PDE7A: variants seen among roughly 807,000 people sequenced by gnomAD.
The protein encoded by PDE7A is phosphodiesterase 7A.
A neutral mutation model predicts 64.3 loss-of-function variants in PDE7A; 39 were observed. That is an observed-to-expected ratio of 0.61 (90% CI 0.47 to 0.79). The LOEUF (loss-of-function observed/expected upper bound fraction) is 0.79, where lower values mean the gene tolerates loss of function less well. Among genes scored for constraint, PDE7A ranks in the 30% least tolerant of loss-of-function variants. PDE7A has a pLI of 0.00. For missense variants in PDE7A, 470 were observed against 582.8 expected (o/e 0.81, Z 1.99); for synonymous variants, 203 against 206.8 (o/e 0.98, Z 0.16).
intron 1 of PDE7A, among the ~76,000 whole-genome samples, chr8:65,828,277 T>C (rs1431212331): frequency 2.6e-5 from 4 of 152,100 alleles, no homozygotes; most frequent in African/African-American, 4.8e-5. Flanking sequence ...CATTGATATA[T>C]AATATCTTCC....
intron 1 of PDE7A, among the ~76,000 whole-genome samples, chr8:65,802,128 T>G (rs935197338): frequency 2.6e-5 from 4 of 152,352 alleles, no homozygotes; most frequent in African/African-American, 9.6e-5. Flanking sequence ...GAAAATACTT[T>G]GTTCACAAAC....
At position 65,745,392 on chromosome 8, in the gene PDE7A, A is replaced by T. The variant is rs1807629787; in HGVS notation, c.499+15T>A. ...TAGACTACATTAACTTGAGCAAGTCAAATTCTTCACTTACCATTTGTTAGT... is the reference window on the plus strand; with the variant it reads ...TAGACTACATTAACTTGAGCAAGTCTAATTCTTCACTTACCATTTGTTAGT... On this transcript the variant is annotated intron_variant, in intron 5 of 12. Coordinates refer to ENST00000401827, the MANE Select transcript of PDE7A (RefSeq NM_001242318.3). 2 of 1,466,552 alleles carry T rather than the reference A, an allele frequency of 1.4e-6. No homozygotes were observed. Among genetic ancestry groups the T allele is most frequent in the Non-Finnish European group, 1.9e-6 (2 of 1,045,918 alleles). The allele number at this position is 1,466,552 out of a possible 1,614,324, so 90.8% of individuals were successfully genotyped here. A position where few individuals can be genotyped will look rare whatever the true frequency, so the allele number is the denominator to read the frequency against.
At position 65,841,403 on chromosome 8, in the gene PDE7A, A is replaced by T; in HGVS notation, c.106T>A (p.Phe36Ile). Residue 36 changes from phenylalanine (F) to isoleucine (I), a missense_variant, in exon 1 of 13, where the codon TTC (phenylalanine) becomes ATC (isoleucine). Physicochemically the swap from Phe to Ile is conservative, Grantham distance 21. Transcript: ENST00000401827. ...AGCTGCCGGGGATTGGGGCAGCCGA[A>T]GAGAGCGGAGCTGGAGCTGAAGCTG... is the stretch of plus-strand genomic sequence containing the variant. ...AISFSSSSAL[F>I]GCPNPRQLSQ... is the part of the protein sequence containing the mutation. The T allele has an allele frequency of 6.4e-7, 1 of 1,564,008 alleles. No homozygotes were observed. Among genetic ancestry groups the T allele is most frequent in the Non-Finnish European group, 8.6e-7 (1 of 1,159,548 alleles).
At chr8:65,746,654 A>G (rs1186583415) in intron 4 of PDE7A, among the ~76,000 whole-genome samples, 2 of 152,234 alleles carry the variant, frequency 1.3e-5, no homozygotes, top group Non-Finnish European at 2.9e-5. Context: ...TTATGAATAC[A>G]CTGACATGAG....
chr8:65,752,676 A>C (rs1337914615), intron 3 of PDE7A, among the ~76,000 whole-genome samples: 1 of 152,222 alleles, frequency 6.6e-6, no homozygotes, highest in Admixed American at 6.5e-5. Flanking sequence ...TTCAATATAC[A>C]AATTTAAATC....
At chr8:65,723,713 G>T in intron 11 of PDE7A, 92 bp from the exon 12 acceptor site, 1 of 874,104 alleles carries the variant, frequency 1.1e-6, no homozygotes, top group Non-Finnish European at 1.6e-6. Context: ...GCATTTCTTA[G>T]GAAAAACATA....
chr8:65,822,747 G>C (rs1488418175), intron 1 of PDE7A, among the ~76,000 whole-genome samples: 1 of 152,120 alleles, frequency 6.6e-6, no homozygotes, highest in Non-Finnish European at 1.5e-5. Flanking sequence ...GAAAGTTATA[G>C]ATACATGGTA....
At chr8:65,815,147 ATAATG>A in intron 1 of PDE7A, among the ~76,000 whole-genome samples, 1 of 152,320 alleles carries the variant, frequency 6.6e-6, no homozygotes, top group South Asian at 2.1e-4. Context: ...GACAATATTT[ATAATG>A]TATTCACAGT....
At chr8:65,820,792 G>A (rs1810523532) in intron 1 of PDE7A, among the ~76,000 whole-genome samples, 2 of 152,092 alleles carry the variant, frequency 1.3e-5, no homozygotes, top group South Asian at 2.1e-4. Context: ...GTTTCACCAC[G>A]TTGGCCAGGC....
At chr8:65,812,381 C>T (rs1216072659) in intron 1 of PDE7A, among the ~76,000 whole-genome samples, 1 of 152,036 alleles carries the variant, frequency 6.6e-6, no homozygotes, top group Non-Finnish European at 1.5e-5. Flanking sequence ...CTGCCTTATT[C>T]CTTATACCAC....
At chr8:65,799,120 A>C (rs1809928456) in intron 1 of PDE7A, among the ~76,000 whole-genome samples, 1 of 152,172 alleles carries the variant, frequency 6.6e-6, no homozygotes, top group Non-Finnish European at 1.5e-5. Flanking sequence ...AAGGGCCCCA[A>C]AAGAACTTTT....
intron 3 of PDE7A, among the ~76,000 whole-genome samples, chr8:65,763,097 G>A (rs1027373297): frequency 6.7e-6 from 1 of 149,362 alleles, no homozygotes; most frequent in Non-Finnish European, 1.5e-5. Flanking sequence ...TTAGCCACTC[G>A]TAATCTAAAA....
rs1320988399 is a variant in PDE7A at position 65,814,498 on chromosome 8, G to A, written c.138+26873C>T. On this transcript the variant is annotated intron_variant, in intron 1 of 12. Coordinates refer to ENST00000401827, the MANE Select transcript of PDE7A (RefSeq NM_001242318.3). The stretch of plus-strand genomic sequence containing the variant: ...TGCACTCCAGCCTGGGCGACAGAGC[G>A]AGACTCCGTCTCAAAAAAAAAAAAA... Among the ~76,000 whole-genome samples the A allele has an allele frequency of 4.8e-4, 51 of 107,312 alleles. No homozygotes were observed. In the East Asian group the frequency reaches 0.014, roughly 29 times the overall value. 70.4% of individuals were successfully genotyped at this position (107,312 alleles called of 152,430 possible).
intron 7 of PDE7A, among the ~76,000 whole-genome samples, chr8:65,733,150 T>C (rs2128896489): frequency 6.6e-6 from 1 of 152,296 alleles, no homozygotes; most frequent in East Asian, 1.9e-4. Context: ...TGAAAAGTGT[T>C]TAAGTATTAT....
At chr8:65,769,664 C>G (rs138850847) in intron 3 of PDE7A, among the ~76,000 whole-genome samples, 2 of 151,972 alleles carry the variant, frequency 1.3e-5, no homozygotes, top group South Asian at 2.1e-4. Context: ...GGGAGGCTGA[C>G]GCAGGCAGAT....
intron 3 of PDE7A, among the ~76,000 whole-genome samples, chr8:65,767,789 C>T (rs1808866893): frequency 6.6e-6 from 1 of 152,202 alleles, no homozygotes; most frequent in African/African-American, 2.4e-5. Context: ...CACATCTCTT[C>T]ATCTGGATCC....
chr8:65,840,348 T>A (rs1373699599), intron 1 of PDE7A, among the ~76,000 whole-genome samples: 4 of 151,826 alleles, frequency 2.6e-5, no homozygotes, highest in Non-Finnish European at 5.9e-5. Flanking sequence ...AAATATTTAC[T>A]AGACACTTAT....
chr8:65,723,967 C>T (rs2129065341), intron 11 of PDE7A, among the ~76,000 whole-genome samples: 1 of 152,268 alleles, frequency 6.6e-6, no homozygotes, highest in East Asian at 1.9e-4. Flanking sequence ...CCACACACGA[C>T]AAGGATAAAG....
intron 6 of PDE7A, among the ~76,000 whole-genome samples, chr8:65,737,566 G>A (rs184783343): frequency 9.9e-4 from 150 of 152,172 alleles, no homozygotes; most frequent in African/African-American, 3.5e-3. Context: ...GTACAGTGGC[G>A]CGATCTCGGC....
Sources: gnomAD v4.1 joint callset for allele counts (sites outside exome capture counted in the v4.1 genomes callset) on GRCh38, gnomAD v4.1.1 for gene constraint, MANE v1.5 for transcripts, NCBI Gene and HGNC (gene_info 2026-07-23, HGNC 2026-07-21) for gene names.